TTC28: variants seen among roughly 807,000 people sequenced by gnomAD.
The protein encoded by TTC28 is tetratricopeptide repeat protein 28.
In TTC28, 61 loss-of-function variants were observed where a neutral mutation model predicts 198.0. The observed-to-expected ratio is 0.31, with a 90% CI of 0.25 to 0.38. TTC28 has a LOEUF of 0.38. Ranked by LOEUF, TTC28 falls within the 10% of genes least tolerant of loss-of-function variation. TTC28 has a pLI of 1.00. For synonymous variants in TTC28, 1,171 were observed against 1,297.8 expected (o/e 0.90, Z 2.10); for missense variants, 2,678 against 3,164.0 (o/e 0.85, Z 3.69).
chr22:28,638,435 TAGAAA>T (rs1569076633), intron 1 of TTC28, among the ~76,000 whole-genome samples: 2 of 151,940 alleles, frequency 1.3e-5, no homozygotes, highest in African/African-American at 4.8e-5. Flanking sequence ...CAAAACAGAA[TAGAAA>T]AGACAGATAA....
chr22:28,266,890 ACC>A (rs1012669869), intron 5 of TTC28, among the ~76,000 whole-genome samples: 1 of 152,150 alleles, frequency 6.6e-6, no homozygotes, highest in African/African-American at 2.4e-5. Context: ...ACCTATAAAA[ACC>A]CAGACTTCAC....
chr22:28,636,564 A>G (rs1480824952), intron 1 of TTC28, among the ~76,000 whole-genome samples: 1 of 152,174 alleles, frequency 6.6e-6, no homozygotes, highest in African/African-American at 2.4e-5. Flanking sequence ...TTACTTCAAG[A>G]TAGTAATTTT....
chr22:28,474,632 T>C (rs1232031628), intron 2 of TTC28, among the ~76,000 whole-genome samples: 1 of 151,878 alleles, frequency 6.6e-6, no homozygotes, highest in Non-Finnish European at 1.5e-5. Flanking sequence ...AGTAGAAGAG[T>C]TGGTGCTGCA....
At chr22:28,389,155 C>T (rs368366617) in intron 2 of TTC28, among the ~76,000 whole-genome samples, 24 of 152,176 alleles carry the variant, frequency 1.6e-4, no homozygotes, top group East Asian at 5.8e-4. Flanking sequence ...TATTGATTTG[C>T]GTATATTGAA....
intron 1 of TTC28, among the ~76,000 whole-genome samples, chr22:28,639,678 G>A (rs1221560884): frequency 1.3e-5 from 2 of 152,304 alleles, no homozygotes; most frequent in East Asian, 1.9e-4. Context: ...ATCCATGTAA[G>A]ATGTGACTTC....
intron 2 of TTC28, among the ~76,000 whole-genome samples, chr22:28,406,078 C>T (rs576351218): frequency 6.6e-6 from 1 of 152,370 alleles, no homozygotes; most frequent in Non-Finnish European, 1.5e-5. Context: ...CGCTAAGCCC[C>T]AATTTTGGGG....
intron 6 of TTC28, among the ~76,000 whole-genome samples, chr22:28,155,836 G>C (rs1050745081): frequency 3.3e-5 from 5 of 152,162 alleles, no homozygotes; most frequent in Admixed American, 2.0e-4. Context: ...CATACAATAT[G>C]TGGCAATGAA....
In TTC28 at chr22:28,014,291, G is replaced by A. The variant is rs546813026; in HGVS notation, c.4175C>T (p.Pro1392Leu). 5.8e-6 allele frequency: 9 copies of A among 1,551,596 alleles called. No individual in the cohort carries two copies. In the Admixed American group the frequency reaches 5.9e-5, roughly 10 times the overall value. The change falls in exon 14 of 23, where the codon CCG (proline) becomes CTG (leucine). Residue 1392 changes from proline (P) to leucine (L), a missense_variant. Coordinates refer to ENST00000397906, the MANE Select transcript of TTC28 (RefSeq NM_001145418.2). Reference protein sequence around the residue: ...PRRQSSFAKPPLRALYDLLIA... With the variant: ...PRRQSSFAKPLLRALYDLLIA... ...GAGCAGGTCATACAGGGCACGGAGCGGGGGCTTGGCAAACGAGCTCTGCCT... is the reference window on the plus strand; with the variant it reads ...GAGCAGGTCATACAGGGCACGGAGCAGGGGCTTGGCAAACGAGCTCTGCCT...
intron 2 of TTC28, among the ~76,000 whole-genome samples, chr22:28,417,764 C>T (rs575821971): frequency 3.3e-5 from 5 of 152,286 alleles, no homozygotes; most frequent in African/African-American, 7.2e-5. Context: ...TCAGGCAAAG[C>T]TTTGGAAACC....
chr22:28,583,369 G>A (rs1191113170), intron 2 of TTC28, among the ~76,000 whole-genome samples: 2 of 152,126 alleles, frequency 1.3e-5, no homozygotes, highest in East Asian at 3.8e-4. Flanking sequence ...ATTGCACTGG[G>A]ACAGTAGAAT....
intron 2 of TTC28, among the ~76,000 whole-genome samples, chr22:28,594,426 G>A (rs2050499827): frequency 2.6e-5 from 4 of 151,898 alleles, no homozygotes; most frequent in Admixed American, 6.6e-5. Context: ...TCTGAGGTCT[G>A]GGGAAAAACT....
chr22:28,613,645 A>G (rs1033758991), intron 2 of TTC28, among the ~76,000 whole-genome samples: 1 of 152,190 alleles, frequency 6.6e-6, no homozygotes, highest in Non-Finnish European at 1.5e-5. Flanking sequence ...CTGGTTCAAC[A>G]TACGCAAATA....
chr22:28,527,594 C>G (rs2049030769), intron 2 of TTC28, among the ~76,000 whole-genome samples: 1 of 152,156 alleles, frequency 6.6e-6, no homozygotes. Flanking sequence ...CTTTAGGGTG[C>G]CCTAGAGAGT....
rs1186560568 is a variant in TTC28, at chr22:28,195,943, G to A, written c.934-32344C>T. Among the ~76,000 whole-genome samples, 3 of 151,958 alleles carry A rather than the reference G, an allele frequency of 2.0e-5. No homozygotes were observed. The East Asian group carries it at 5.8e-4, about 29-fold the overall frequency. On this transcript the variant is annotated intron_variant, in intron 5 of 22. Transcript: ENST00000397906. ...CAGAACTGGAAAAAACTACTTTAAAGTTCATATGGAACCAAAAAAGAGCCC... is the reference window on the plus strand; with the variant it reads ...CAGAACTGGAAAAAACTACTTTAAAATTCATATGGAACCAAAAAAGAGCCC...
At chr22:28,037,697 G>T (rs1939422973) in intron 12 of TTC28, among the ~76,000 whole-genome samples, 1 of 152,120 alleles carries the variant, frequency 6.6e-6, no homozygotes, top group Non-Finnish European at 1.5e-5. Context: ...GAAATAAAGG[G>T]CATTCAATTA....
At chr22:28,600,355 T>C (rs2050619258) in intron 2 of TTC28, among the ~76,000 whole-genome samples, 1 of 152,100 alleles carries the variant, frequency 6.6e-6, no homozygotes, top group Non-Finnish European at 1.5e-5. Context: ...CAGTTAGCTG[T>C]AATCACGCCA....
chr22:28,465,400 C>T (rs1162028287), intron 2 of TTC28, among the ~76,000 whole-genome samples: 2 of 151,934 alleles, frequency 1.3e-5, no homozygotes, highest in African/African-American at 4.8e-5. Context: ...CCGAGGCAGG[C>T]GGATCACAAG....
At chr22:28,014,986 T>G (rs750684796) in intron 13 of TTC28, among the ~76,000 whole-genome samples, 4 of 152,228 alleles carry the variant, frequency 2.6e-5, no homozygotes, top group Non-Finnish European at 4.4e-5. Context: ...CTGTATAGTT[T>G]TGTTTCGCTT....
rs986183844 is a variant in TTC28 at position 27,981,197 on chromosome 22, C to T, written c.*1024G>A. The T allele has an allele frequency of 3.8e-5, 4 of 103,946 alleles. No homozygotes were observed. Among genetic ancestry groups the T allele is most frequent in the East Asian group, 3.3e-4 (1 of 3,046 alleles). 6.4% of individuals were successfully genotyped at this position (103,946 alleles called of 1,614,324 possible). A position where few individuals can be genotyped will look rare whatever the true frequency, so the allele number is the denominator to read the frequency against. ...TAAAAGGGAACAGGAGCCTGGAAGG[C>T]GGGATTCTGGTTAAATCTAGTTAGC... is the stretch of plus-strand genomic sequence containing the variant. On this transcript the variant is annotated 3_prime_UTR_variant, in exon 23 of 23. Coordinates refer to ENST00000397906, the MANE Select transcript of TTC28 (RefSeq NM_001145418.2).
Sources: gnomAD v4.1 joint callset for allele counts (sites outside exome capture counted in the v4.1 genomes callset) on GRCh38, gnomAD v4.1.1 for gene constraint, MANE v1.5 for transcripts, NCBI Gene and HGNC (gene_info 2026-07-23, HGNC 2026-07-21) for gene names.